Variants in CCSER1 observed in about 807,000 individuals in gnomAD.
CCSER1 encodes serine-rich coiled-coil domain-containing protein 1.
A neutral mutation model predicts 82.0 loss-of-function variants in CCSER1; 41 were observed. The observed-to-expected ratio is 0.50, with a 90% CI of 0.39 to 0.65. The LOEUF is 0.65. Among genes scored for constraint, CCSER1 ranks in the 30% least tolerant of loss-of-function variants. The pLI is 0.00. For missense variants in CCSER1, 1,119 were observed against 1,064.2 expected (o/e 1.05, Z -0.72); for synonymous variants, 414 against 383.9 (o/e 1.08, Z -0.92).
intron 1 of CCSER1, among the ~76,000 whole-genome samples, chr4:90,191,888 G>A (rs1170178129): frequency 1.3e-5 from 2 of 152,028 alleles, no homozygotes; most frequent in African/African-American, 2.4e-5. Flanking sequence ...GAATGTGGAA[G>A]TTTTCTACTA....
At chr4:91,007,279 G>T (rs1262380618) in intron 9 of CCSER1, among the ~76,000 whole-genome samples, 3 of 152,016 alleles carry the variant, frequency 2.0e-5, no homozygotes, top group Non-Finnish European at 4.4e-5. Flanking sequence ...GTCTGATTTT[G>T]GAATCAAAGT....
intron 1 of CCSER1, among the ~76,000 whole-genome samples, chr4:90,179,730 T>C (rs547383685): frequency 2.6e-5 from 4 of 152,268 alleles, no homozygotes; most frequent in Non-Finnish European, 5.9e-5. Flanking sequence ...TCCAGTAACT[T>C]AACTTGTTTT....
At chr4:90,360,168 C>T (rs1173561310) in intron 3 of CCSER1, among the ~76,000 whole-genome samples, 1 of 148,946 alleles carries the variant, frequency 6.7e-6, no homozygotes, top group Non-Finnish European at 1.5e-5. Flanking sequence ...CCGCCCGCCT[C>T]AGCCTCCGAA....
At chr4:91,174,233 T>G (rs1733070152) in intron 10 of CCSER1, among the ~76,000 whole-genome samples, 1 of 152,152 alleles carries the variant, frequency 6.6e-6, no homozygotes, top group South Asian at 2.1e-4. Flanking sequence ...TTTTCTTTCC[T>G]TCTTATTTTT....
At position 90,241,703 on chromosome 4, in the gene CCSER1, G is replaced by A. The variant is rs553852865; in HGVS notation, c.-41-66541G>A. Among the ~76,000 whole-genome samples the A allele has an allele frequency of 5.3e-5, 8 of 152,118 alleles. No individual in the cohort carries two copies. The South Asian group carries it at 1.7e-3, about 32-fold the overall frequency. On this transcript the variant is annotated intron_variant, in intron 1 of 10. Transcript: ENST00000509176. ...AAGGGATACACGTGGTTAAAAAAAT[G>A]CCAACATGAATAAATCCAACAGATA...
intron 10 of CCSER1, among the ~76,000 whole-genome samples, chr4:91,191,802 G>A (rs568734121): frequency 3.3e-5 from 5 of 152,288 alleles, no homozygotes; most frequent in East Asian, 1.9e-4. Context: ...CATGGTGTGC[G>A]TGGCCCTGAA....
intron 5 of CCSER1, among the ~76,000 whole-genome samples, chr4:90,493,955 TA>T (rs1768528864): frequency 6.6e-6 from 1 of 152,114 alleles, no homozygotes; most frequent in Admixed American, 6.5e-5. Context: ...ATGCTCCAAT[TA>T]AAAGACAGAC....
At chr4:91,299,270 G>A (rs1744468330) in intron 10 of CCSER1, among the ~76,000 whole-genome samples, 1 of 151,956 alleles carries the variant, frequency 6.6e-6, no homozygotes, top group African/African-American at 2.4e-5. Flanking sequence ...TGCTACATTT[G>A]TGAGGTACAA....
chr4:91,155,935 A>G (rs1245027299), intron 10 of CCSER1, among the ~76,000 whole-genome samples: 2 of 151,864 alleles, frequency 1.3e-5, no homozygotes, highest in Non-Finnish European at 2.9e-5. Context: ...TGATATTAAG[A>G]AATACTAAGT....
intron 10 of CCSER1, among the ~76,000 whole-genome samples, chr4:91,409,497 A>T (rs533667705): frequency 3.3e-5 from 5 of 152,174 alleles, no homozygotes; most frequent in African/African-American, 1.2e-4. Flanking sequence ...TTTCCTTCCC[A>T]TCTCCATGTG....
chr4:90,337,880 C>A (rs1258077070), intron 3 of CCSER1, among the ~76,000 whole-genome samples: 1 of 152,034 alleles, frequency 6.6e-6, no homozygotes, highest in Non-Finnish European at 1.5e-5. Flanking sequence ...TTGCAAATTT[C>A]TTCATTGTCT....
intron 1 of CCSER1, among the ~76,000 whole-genome samples, chr4:90,222,068 G>A (rs1742254648): frequency 6.6e-6 from 1 of 152,080 alleles, no homozygotes; most frequent in South Asian, 2.1e-4. Flanking sequence ...GCAGGCTCAG[G>A]TAACAAAGCA....
intron 9 of CCSER1, among the ~76,000 whole-genome samples, chr4:90,937,523 G>C (rs1057360309): frequency 7.9e-6 from 1 of 126,736 alleles, no homozygotes; most frequent in South Asian, 2.3e-4. Flanking sequence ...ACACTGAATG[G>C]CTCAATAAGG....
At chr4:90,828,126 C>T (rs1466418584) in intron 8 of CCSER1, among the ~76,000 whole-genome samples, 2 of 152,024 alleles carry the variant, frequency 1.3e-5, no homozygotes, top group Non-Finnish European at 1.5e-5. Flanking sequence ...GTATTACTTT[C>T]GGAGGAGCTG....
chr4:90,501,174 A>C (rs920291515), intron 5 of CCSER1, among the ~76,000 whole-genome samples: 2 of 152,154 alleles, frequency 1.3e-5, no homozygotes, highest in Non-Finnish European at 2.9e-5. Flanking sequence ...TCATTTTTAA[A>C]TCATTTTGTT....
chr4:90,143,815 G>A (rs921631864), intron 1 of CCSER1, among the ~76,000 whole-genome samples: 2 of 151,622 alleles, frequency 1.3e-5, no homozygotes, highest in African/African-American at 4.8e-5. Context: ...CTCCCAAGTA[G>A]CTGGGACCAC....
At chr4:90,257,902 C>T (rs1005365247) in intron 1 of CCSER1, among the ~76,000 whole-genome samples, 4 of 152,136 alleles carry the variant, frequency 2.6e-5, no homozygotes, top group Admixed American at 2.6e-4. Flanking sequence ...GAAGGCAATC[C>T]GATTGATTCA....
At chr4:90,779,377 C>CT (rs1561121427) in intron 7 of CCSER1, among the ~76,000 whole-genome samples, 1 of 151,896 alleles carries the variant, frequency 6.6e-6, no homozygotes, top group Admixed American at 6.6e-5. Flanking sequence ...TTCCTGGAAT[C>CT]TAATAATTAT....
At chr4:91,302,914 T>A (rs2149241886) in intron 10 of CCSER1, among the ~76,000 whole-genome samples, 1 of 152,146 alleles carries the variant, frequency 6.6e-6, no homozygotes, top group Admixed American at 6.6e-5. Context: ...ATCTAATTTT[T>A]GACGTTTTGC....
Sources: gnomAD v4.1 joint callset for allele counts (sites outside exome capture counted in the v4.1 genomes callset) on GRCh38, gnomAD v4.1.1 for gene constraint, MANE v1.5 for transcripts, NCBI Gene and HGNC (gene_info 2026-07-23, HGNC 2026-07-21) for gene names.